Variants in LINC00632 observed in about 807,000 individuals in gnomAD.
LINC00632 encodes ALDOA related specific transcript.
intron 2 of LINC00632, among the ~76,000 whole-genome samples, chrX:140,729,617 C>T (rs1341576329): frequency 2.7e-5 from 3 of 110,744 alleles, no homozygotes; most frequent in Admixed American, 1.9e-4. Flanking sequence ...GTAGACTACC[C>T]GAGCACTGCA....
chrX:140,720,133 T>A (rs1198848336), intron 2 of LINC00632, among the ~76,000 whole-genome samples: 1 of 108,658 alleles, frequency 9.2e-6, no homozygotes, highest in Non-Finnish European at 1.9e-5. Context: ...TGCCAACCCA[T>A]GGACATGCTC....
At chrX:140,751,287 T>A (rs1602746014) in intron 3 of LINC00632, among the ~76,000 whole-genome samples, 1 of 47,718 alleles carries the variant, frequency 2.1e-5, no homozygotes, top group Non-Finnish European at 6.0e-5. Flanking sequence ...GCCAACATCT[T>A]TTTTTTTTTT....
exon 5 of LINC00632, chrX:140,782,807 T>C (rs1397640643): frequency 2.7e-5 from 3 of 111,816 alleles, no homozygotes; most frequent in Non-Finnish European, 5.6e-5. Context: ...GGTCTCATAT[T>C]GTCCAGGCTG....
chrX:140,724,008 TAC>T (rs749811504), intron 2 of LINC00632, among the ~76,000 whole-genome samples: 82 of 18,778 alleles, frequency 4.4e-3, no homozygotes, highest in Non-Finnish European at 8.5e-3. Context: ...ACACACACCA[TAC>T]ACACACACAG....
chrX:140,712,564 C>A (rs1930541327), intron 2 of LINC00632, among the ~76,000 whole-genome samples: 1 of 109,722 alleles, frequency 9.1e-6, no homozygotes, highest in South Asian at 4.0e-4. Context: ...TGGCCGTAGT[C>A]TCATGTAGGG....
chrX:140,757,945 G>C (rs1464348892), intron 3 of LINC00632, among the ~76,000 whole-genome samples: 1 of 111,495 alleles, frequency 9.0e-6, no homozygotes, highest in African/African-American at 3.3e-5. Flanking sequence ...CACTGAGTTG[G>C]TTCTCTGAAA....
chrX:140,777,373 G>A (rs770368475), exon 5 of LINC00632, among the ~76,000 whole-genome samples: 3 of 112,439 alleles, frequency 2.7e-5, no homozygotes, highest in South Asian at 7.4e-4. Context: ...GCTCAAATGA[G>A]GAAGATGAGG....
chrX:140,751,260 C>A (rs1286763851), intron 3 of LINC00632, among the ~76,000 whole-genome samples: 1 of 105,477 alleles, frequency 9.5e-6, no homozygotes, highest in Non-Finnish European at 2.0e-5. Context: ...AAAGTTCTCC[C>A]TTTTTATCAC....
intron 2 of LINC00632, chrX:140,714,597 T>A (rs11095830): frequency 9.1e-6 from 1 of 109,587 alleles, no homozygotes; most frequent in Non-Finnish European, 1.9e-5. Flanking sequence ...CCTAGGCAGG[T>A]GGATCACCTG....
chrX:140,772,421 TTG>T (rs1466954585), exon 4 of LINC00632: 16 of 294,105 alleles, frequency 5.4e-5, no homozygotes, highest in Non-Finnish European at 8.8e-5. Context: ...CAAATTAATA[TTG>T]TGTACTCTCA....
At chrX:140,766,167 T>C (rs1275558203) in intron 3 of LINC00632, among the ~76,000 whole-genome samples, 3 of 111,661 alleles carry the variant, frequency 2.7e-5, no homozygotes, top group East Asian at 2.8e-4. Context: ...CCCTTAGCTG[T>C]TGGATTTCTT....
exon 5 of LINC00632, among the ~76,000 whole-genome samples, chrX:140,789,620 C>G (rs887728872): frequency 1.8e-4 from 20 of 112,006 alleles, no homozygotes; most frequent in Non-Finnish European, 1.9e-5. Flanking sequence ...ATGCTGAATG[C>G]TATTATTTTT....
At chrX:140,766,596 GA>G (rs1403519427) in intron 3 of LINC00632, among the ~76,000 whole-genome samples, 4 of 112,129 alleles carry the variant, frequency 3.6e-5, no homozygotes, top group African/African-American at 9.7e-5. Flanking sequence ...TTGGAAGAAT[GA>G]AAACTGGGAT....
intron 3 of LINC00632, among the ~76,000 whole-genome samples, chrX:140,769,028 T>C (rs1931746897): frequency 9.2e-6 from 1 of 109,287 alleles, no homozygotes; most frequent in South Asian, 3.8e-4. Context: ...GGTACAAATG[T>C]GATTTTGGTC....
At chrX:140,735,129 G>A (rs1461559710) in intron 3 of LINC00632, among the ~76,000 whole-genome samples, 1 of 111,421 alleles carries the variant, frequency 9.0e-6, no homozygotes, top group African/African-American at 3.3e-5. Context: ...ATCGGAGAAT[G>A]ACTCTTACTT....
intron 1 of LINC00632, chrX:140,709,833 A>C (rs916402837): frequency 1.5e-5 from 5 of 338,642 alleles, no homozygotes; most frequent in Middle Eastern, 4.4e-4. Flanking sequence ...ATTTTGTAAA[A>C]TAGATATCCA....
chrX:140,742,924 G>GGAAAA (rs1334669748), intron 3 of LINC00632, among the ~76,000 whole-genome samples: 2 of 104,321 alleles, frequency 1.9e-5, no homozygotes, highest in Non-Finnish European at 3.9e-5. Context: ...AAAGGGAAAG[G>GGAAAA]GAAAAGAAAA....
chrX:140,722,909 C>T (rs1376430453), intron 2 of LINC00632, among the ~76,000 whole-genome samples: 1 of 109,049 alleles, frequency 9.2e-6, no homozygotes, highest in Non-Finnish European at 1.9e-5. Flanking sequence ...ATTAGTCGAG[C>T]GTGGTGGCAC....
chrX:140,733,201 G>A (rs1931087675), intron 2 of LINC00632, among the ~76,000 whole-genome samples: 1 of 112,784 alleles, frequency 8.9e-6, no homozygotes, highest in African/African-American at 3.2e-5. Context: ...GAGTTCACAT[G>A]TGAGTATGCA....
Sources: gnomAD v4.1 joint callset for allele counts (sites outside exome capture counted in the v4.1 genomes callset) on GRCh38, gnomAD v4.1.1 for gene constraint, MANE v1.5 for transcripts, NCBI Gene and HGNC (gene_info 2026-07-23, HGNC 2026-07-21) for gene names.